WBP2NL: variants seen among roughly 807,000 people sequenced by gnomAD.
The protein encoded by WBP2NL is WBP2 N-terminal like, also known as postacrosomal sheath WW domain-binding protein.
Under a neutral mutation model 23.3 loss-of-function variants are expected in WBP2NL, and 27 were observed. That is an observed-to-expected ratio of 1.16 (90% CI 0.85 to 1.60). WBP2NL has a LOEUF of 1.60. Among genes scored for constraint, WBP2NL ranks in the 40% most tolerant of loss-of-function variants. WBP2NL has a pLI of 0.00. For missense variants in WBP2NL, 370 were observed against 389.5 expected (o/e 0.95, Z 0.42); for synonymous variants, 151 against 145.9 (o/e 1.03, Z -0.25).
chr22:42,035,833 C>T (rs1309589298), downstream of WBP2NL, among the ~76,000 whole-genome samples: 1 of 152,098 alleles, frequency 6.6e-6, no homozygotes, highest in Non-Finnish European at 1.5e-5. Context: ...CTTCCCAGCC[C>T]CTGGCAACCA....
At chr22:42,023,524 A>G (rs954819270) in intron 5 of WBP2NL, among the ~76,000 whole-genome samples, 4 of 150,486 alleles carry the variant, frequency 2.7e-5, no homozygotes, top group Admixed American at 6.6e-5. Context: ...TTTTTTTGAG[A>G]GGGAGTCTTG....
intron 8 of WBP2NL, among the ~76,000 whole-genome samples, chr22:42,055,729 G>A (rs1926004088): frequency 6.6e-6 from 1 of 152,052 alleles, no homozygotes; most frequent in Non-Finnish European, 1.5e-5. Context: ...CGTTAGGTAT[G>A]CTAATGTGTA....
chr22:42,001,031 C>G, intron 1 of WBP2NL: 1 of 696,734 alleles, frequency 1.4e-6, no homozygotes, highest in South Asian at 1.7e-5. Flanking sequence ...TATAATACAA[C>G]ATGCCTGTTC....
At chr22:42,034,929 C>T (rs1034701308), downstream of WBP2NL, among the ~76,000 whole-genome samples, 1 of 152,172 alleles carries the variant, frequency 6.6e-6, no homozygotes, top group African/African-American at 2.4e-5. Flanking sequence ...TCAGGGTGCC[C>T]ACATTTCATA....
At chr22:42,040,944 AGTT>A (rs1182803559) in intron 8 of WBP2NL, among the ~76,000 whole-genome samples, 1 of 152,180 alleles carries the variant, frequency 6.6e-6, no homozygotes, top group Non-Finnish European at 1.5e-5. Context: ...TATTCAAATC[AGTT>A]GTTTTTTTAT....
At position 42,001,810 on chromosome 22, in the gene WBP2NL, C is replaced by T. The variant is rs138124569; in HGVS notation, c.62+2930C>T. The T allele has an allele frequency of 2.4e-4, 307 of 1,254,730 alleles. No homozygotes were observed. The African/African-American group carries it at 4.3e-3, about 18-fold the overall frequency. 77.7% of individuals were successfully genotyped at this position (1,254,730 alleles called of 1,614,324 possible). A position where few individuals can be genotyped will look rare whatever the true frequency, so the allele number is the denominator to read the frequency against. On this transcript the variant is annotated intron_variant, in intron 1 of 5. Transcript: ENST00000328823. ...ATACAGACCATGCAGTCTCTAATGCCCTTGTATTGCTTATCTGCAGTGATC... is the reference window on the plus strand; with the variant it reads ...ATACAGACCATGCAGTCTCTAATGCTCTTGTATTGCTTATCTGCAGTGATC...
At chr22:42,048,858 C>T (rs1396887378) in intron 8 of WBP2NL, among the ~76,000 whole-genome samples, 1 of 151,986 alleles carries the variant, frequency 6.6e-6, no homozygotes, top group Non-Finnish European at 1.5e-5. Context: ...AACTAAAAAC[C>T]CTACAGGTGA....
chr22:42,020,864 GTGTGTATATATATA>G (rs1266411175), intron 4 of WBP2NL, among the ~76,000 whole-genome samples: 1,757 of 34,896 alleles, frequency 0.05, 271 homozygotes, highest in African/African-American at 0.12. Flanking sequence ...GTGTGTGTGT[GTGTGTATATATATA>G]TATATATATA....
chr22:42,019,905 C>T (rs1923722397), intron 3 of WBP2NL, 99 bp from the exon 4 acceptor site: 2 of 1,592,524 alleles, frequency 1.3e-6, no homozygotes, highest in East Asian at 2.2e-5. Flanking sequence ...CAAAAGCTGC[C>T]CTACTTTGTC....
chr22:42,014,667 C>T (rs1012292033), intron 1 of WBP2NL, among the ~76,000 whole-genome samples: 3 of 152,138 alleles, frequency 2.0e-5, no homozygotes, highest in African/African-American at 7.2e-5. Context: ...TTGTGTTACT[C>T]AGGTAGTAAC....
intron 5 of WBP2NL, among the ~76,000 whole-genome samples, chr22:42,023,537 C>T (rs551445081): frequency 2.6e-5 from 4 of 151,274 alleles, no homozygotes; most frequent in Non-Finnish European, 4.4e-5. Context: ...GAGTCTTGCT[C>T]TGTCGCCCAG....
chr22:42,041,927 T>C (rs1925413662), intron 8 of WBP2NL, among the ~76,000 whole-genome samples: 1 of 152,208 alleles, frequency 6.6e-6, no homozygotes, highest in South Asian at 2.1e-4. Flanking sequence ...CTCTTTCAGT[T>C]TTAAAGGATA....
downstream of WBP2NL, among the ~76,000 whole-genome samples, chr22:42,036,925 T>C (rs1925202050): frequency 6.6e-6 from 1 of 152,200 alleles, no homozygotes; most frequent in South Asian, 2.1e-4. Flanking sequence ...GCAGAAGCTT[T>C]TTAGTTTGAT....
intron 8 of WBP2NL, among the ~76,000 whole-genome samples, chr22:42,048,281 G>A (rs561432150): frequency 4.7e-4 from 71 of 151,454 alleles, no homozygotes; most frequent in African/African-American, 1.6e-3. Context: ...TTAGCCGGGC[G>A]TGGTGGTGCA....
chr22:42,045,204 C>T (rs1240566351), intron 8 of WBP2NL, among the ~76,000 whole-genome samples: 10 of 151,920 alleles, frequency 6.6e-5, no homozygotes, highest in Non-Finnish European at 8.8e-5. Flanking sequence ...TTTGGGAGTC[C>T]GAGGCGGGCG....
chr22:42,015,812 TG>T (rs1923255345), intron 1 of WBP2NL, among the ~76,000 whole-genome samples: 1 of 152,192 alleles, frequency 6.6e-6, no homozygotes. Flanking sequence ...GCCCTGGACA[TG>T]TATGTGTATG....
intron 1 of WBP2NL, among the ~76,000 whole-genome samples, chr22:42,009,731 T>C (rs1251083851): frequency 3.9e-5 from 6 of 152,238 alleles, no homozygotes; most frequent in Non-Finnish European, 7.3e-5. Context: ...TAATATACTT[T>C]GAAATCAGGA....
At chr22:42,042,313 G>A (rs994492971) in intron 8 of WBP2NL, among the ~76,000 whole-genome samples, 7 of 152,090 alleles carry the variant, frequency 4.6e-5, no homozygotes, top group African/African-American at 1.7e-4. Context: ...TCACTTGATA[G>A]TGTCTCATAA....
chr22:42,014,970 C>T (rs1172427478), intron 1 of WBP2NL, among the ~76,000 whole-genome samples: 1 of 152,170 alleles, frequency 6.6e-6, no homozygotes, highest in Non-Finnish European at 1.5e-5. Flanking sequence ...TGGGCTTCCT[C>T]AGGGACAGTT....
Sources: gnomAD v4.1 joint callset for allele counts (sites outside exome capture counted in the v4.1 genomes callset) on GRCh38, gnomAD v4.1.1 for gene constraint, MANE v1.5 for transcripts, NCBI Gene and HGNC (gene_info 2026-07-23, HGNC 2026-07-21) for gene names.